The following SHISA9 variants were observed in gnomAD, a reference collection of about 807,000 sequenced individuals.
The protein encoded by SHISA9 is shisa family member 9.
A neutral mutation model predicts 38.0 loss-of-function variants in SHISA9; 13 were observed. The ratio of observed to expected loss-of-function variants is 0.34; its 90% CI spans 0.22 to 0.54. The LOEUF (loss-of-function observed/expected upper bound fraction) is 0.54, where lower values mean the gene tolerates loss of function less well. Ranked by LOEUF, SHISA9 falls within the 20% of genes least tolerant of loss-of-function variation. SHISA9 has a pLI of 0.91. For synonymous variants in SHISA9, 275 were observed against 242.0 expected (o/e 1.14, Z -1.27); for missense variants, 538 against 575.8 (o/e 0.93, Z 0.67).
the SHISA9 span, among the ~76,000 whole-genome samples, chr16:13,476,738 G>GTTTTTTTTTTT: frequency 7.4e-4 from 48 of 65,228 alleles, 9 homozygotes; most frequent in Non-Finnish European, 1.2e-3. Flanking sequence ...CCTGTTTTGT[G>GTTTTTTTTTTT]TTTTTTTTTT....
intron 2 of SHISA9, among the ~76,000 whole-genome samples, chr16:13,154,953 A>G (rs1320993754): frequency 1.3e-5 from 2 of 152,224 alleles, no homozygotes; most frequent in Non-Finnish European, 2.9e-5. Flanking sequence ...CCCTCTCTAG[A>G]CATCACTCAT....
At chr16:13,381,366 GT>G in the SHISA9 span, among the ~76,000 whole-genome samples, 1 of 152,302 alleles carries the variant, frequency 6.6e-6, no homozygotes, top group East Asian at 1.9e-4. Flanking sequence ...CTAGTGTTCT[GT>G]GGAGACTCTG....
At chr16:13,437,541 C>T in the SHISA9 span, among the ~76,000 whole-genome samples, 1 of 152,290 alleles carries the variant, frequency 6.6e-6, no homozygotes, top group South Asian at 2.1e-4. Context: ...GGATGAGACC[C>T]AGCCTGGCCC....
chr16:13,390,253 A>T, the SHISA9 span, among the ~76,000 whole-genome samples: 3 of 152,074 alleles, frequency 2.0e-5, no homozygotes, highest in Non-Finnish European at 2.9e-5. Flanking sequence ...ACATCAGAAG[A>T]TTCTTAAGTC....
At chr16:13,334,923 G>A in the SHISA9 span, among the ~76,000 whole-genome samples, 1 of 152,190 alleles carries the variant, frequency 6.6e-6, no homozygotes, top group South Asian at 2.1e-4. Flanking sequence ...ACGCCTCCTG[G>A]AGCAGGGCAC....
intron 2 of SHISA9, among the ~76,000 whole-genome samples, chr16:12,971,587 C>T (rs2072083366): frequency 6.6e-6 from 1 of 152,184 alleles, no homozygotes; most frequent in African/African-American, 2.4e-5. Context: ...GTTTTTTAAA[C>T]ACTTTATAAA....
chr16:12,984,280 G>A (rs991747489), intron 2 of SHISA9, among the ~76,000 whole-genome samples: 1 of 152,172 alleles, frequency 6.6e-6, no homozygotes, highest in Non-Finnish European at 1.5e-5. Flanking sequence ...TTCAGTATCT[G>A]CTGTGTAAAA....
chr16:13,115,581 G>A (rs1032701396), intron 2 of SHISA9, among the ~76,000 whole-genome samples: 9 of 152,210 alleles, frequency 5.9e-5, no homozygotes, highest in Admixed American at 1.3e-4. Context: ...CAGCTTGGGC[G>A]TTAGGGCAAT....
At chr16:13,439,181 C>G in the SHISA9 span, among the ~76,000 whole-genome samples, 73 of 152,270 alleles carry the variant, frequency 4.8e-4, no homozygotes, top group African/African-American at 1.8e-3. Context: ...CTCTTTTCCC[C>G]TAGACTGATA....
At chr16:13,031,404 A>G (rs1248683918) in intron 2 of SHISA9, among the ~76,000 whole-genome samples, 1 of 152,188 alleles carries the variant, frequency 6.6e-6, no homozygotes, top group East Asian at 1.9e-4. Flanking sequence ...ATAATGTTTC[A>G]TTTTACAGAT....
chr16:13,234,899 C>G, intron 4 of SHISA9, 131 bp from the exon 5 acceptor site: 1 of 1,075,026 alleles, frequency 9.3e-7, no homozygotes. Context: ...TCTAGTGTGT[C>G]TTGTTTGGAC....
intron 2 of SHISA9, among the ~76,000 whole-genome samples, chr16:12,950,165 C>T (rs1043205754): frequency 7.2e-5 from 11 of 152,172 alleles, no homozygotes; most frequent in African/African-American, 2.4e-4. Context: ...ATAATGTCTT[C>T]GGATTCCATC....
the SHISA9 span, among the ~76,000 whole-genome samples, chr16:13,302,118 A>G: frequency 1.3e-5 from 2 of 152,176 alleles, no homozygotes; most frequent in Admixed American, 6.5e-5. Flanking sequence ...ATCACATTAT[A>G]GGACATAGAT....
At chr16:13,469,280 G>C in the SHISA9 span, among the ~76,000 whole-genome samples, 1 of 130,448 alleles carries the variant, frequency 7.7e-6, no homozygotes, top group South Asian at 2.6e-4. Context: ...TTTAAGGTAA[G>C]AGAGAGAGAG....
chr16:13,487,180 C>A, the SHISA9 span, among the ~76,000 whole-genome samples: 1 of 152,286 alleles, frequency 6.6e-6, no homozygotes, highest in Admixed American at 6.5e-5. Flanking sequence ...CTGGCAGATA[C>A]CAAAATCTGC....
chr16:13,376,302 T>C, the SHISA9 span, among the ~76,000 whole-genome samples: 12 of 152,340 alleles, frequency 7.9e-5, no homozygotes, highest in East Asian at 2.3e-3. Flanking sequence ...ATATTTTAGA[T>C]AGAGTCATGG....
chr16:13,200,440 A>ACACACACACACACACACACACAG (rs201359350), intron 2 of SHISA9, among the ~76,000 whole-genome samples: 4 of 150,036 alleles, frequency 2.7e-5, no homozygotes, highest in African/African-American at 1.0e-4. Flanking sequence ...ACACACACAC[A>ACACACACACACACACACACACAG]CAGCAGCAGC....
At position 13,196,691 on chromosome 16, in the gene SHISA9, G is replaced by A. The variant is rs948529705; in HGVS notation, c.692-6703G>A. 3.9e-5 allele frequency among the ~76,000 whole-genome samples: 6 copies of A among 152,220 alleles called. No homozygotes were observed. The East Asian group carries it at 7.7e-4, about 20-fold the overall frequency. Reference sequence around the variant, plus strand: ...TGTGACAAATATACCACACTAATATGTTAATAATAGGGAAACTGGGTCTGG... The same window carrying A: ...TGTGACAAATATACCACACTAATATATTAATAATAGGGAAACTGGGTCTGG... On this transcript the variant is annotated intron_variant, in intron 2 of 4. Transcript: ENST00000558583.
intron 2 of SHISA9, among the ~76,000 whole-genome samples, chr16:13,047,114 T>C (rs187895017): frequency 1.6e-4 from 24 of 152,330 alleles, no homozygotes; most frequent in African/African-American, 5.5e-4. Flanking sequence ...GCTAGAAGTT[T>C]ATTCCTTAAG....
Sources: gnomAD v4.1 joint callset for allele counts (sites outside exome capture counted in the v4.1 genomes callset) on GRCh38, gnomAD v4.1.1 for gene constraint, MANE v1.5 for transcripts, NCBI Gene and HGNC (gene_info 2026-07-23, HGNC 2026-07-21) for gene names.